The following ARSB variants were observed in gnomAD, a reference collection of about 807,000 sequenced individuals.
ARSB encodes N-acetylgalactosamine-4-sulfatase.
A neutral mutation model predicts 50.9 loss-of-function variants in ARSB; 41 were observed. The ratio of observed to expected loss-of-function variants is 0.81; its 90% CI spans 0.63 to 1.04. The LOEUF (loss-of-function observed/expected upper bound fraction) is 1.04, where lower values mean the gene tolerates loss of function less well. Ranked by LOEUF, ARSB falls within the 50% of genes least tolerant of loss-of-function variation. The pLI, the probability that ARSB is intolerant of heterozygous loss-of-function variation, is 0.00. For missense variants in ARSB, 672 were observed against 693.3 expected (o/e 0.97, Z 0.35); for synonymous variants, 269 against 284.8 (o/e 0.94, Z 0.56).
At chr5:78,863,770 AATAG>A (rs1227383191) in intron 5 of ARSB, among the ~76,000 whole-genome samples, 11 of 152,078 alleles carry the variant, frequency 7.2e-5, no homozygotes, top group Admixed American at 1.3e-4. Flanking sequence ...AATAAAAAAA[AATAG>A]ATAGTCACTT....
intron 6 of ARSB, among the ~76,000 whole-genome samples, chr5:78,806,742 C>T (rs543243371): frequency 9.8e-4 from 150 of 152,304 alleles, no homozygotes; most frequent in African/African-American, 3.4e-3. Flanking sequence ...TCCATACTCA[C>T]GATTACTCAT....
intron 5 of ARSB, among the ~76,000 whole-genome samples, chr5:78,877,962 G>A (rs1747565666): frequency 6.6e-6 from 1 of 152,150 alleles, no homozygotes; most frequent in South Asian, 2.1e-4. Context: ...AGAAGTGAAA[G>A]CTACAATGTG....
At chr5:78,981,014 A>G (rs1340373288) in intron 1 of ARSB, among the ~76,000 whole-genome samples, 1 of 33,540 alleles carries the variant, frequency 3.0e-5, no homozygotes, top group Non-Finnish European at 4.8e-5. Flanking sequence ...GCAGTGGCGC[A>G]ATCTCGGCTC....
At chr5:78,835,354 A>G (rs1744904236) in intron 6 of ARSB, among the ~76,000 whole-genome samples, 1 of 152,094 alleles carries the variant, frequency 6.6e-6, no homozygotes, top group Non-Finnish European at 1.5e-5. Context: ...GAAATCCAAG[A>G]GGCCAGCTTC....
chr5:78,897,245 C>T (rs1748604760), intron 4 of ARSB, among the ~76,000 whole-genome samples: 1 of 152,170 alleles, frequency 6.6e-6, no homozygotes. Context: ...GTAAGTTGTA[C>T]AGGACTTGGG....
intron 5 of ARSB, chr5:78,885,359 G>A (rs781564051): frequency 4.6e-5 from 30 of 651,084 alleles, no homozygotes; most frequent in Non-Finnish European, 6.9e-5. Context: ...GCGATGGGCT[G>A]AGGACAATCT....
At chr5:78,815,605 A>G in intron 6 of ARSB, 5 of 986,074 alleles carry the variant, frequency 5.1e-6, no homozygotes, top group Non-Finnish European at 6.0e-6. Context: ...TTCTGTTTTT[A>G]GCTGACTTCA....
Position 78,985,010 on chromosome 5 carries a change from AC to A in ARSB, c.238del (p.Val80CysfsTer34), listed in dbSNP as rs431905493. ...PHLDALAAGG[V>X]LLDNYYTQPL... ...CTGCGTGTAGTAGTTGTCCAGGAGCACCCCGCCGGCCGCCAGCGCGTCCAGG... is the reference window on the plus strand; with the variant it reads ...CTGCGTGTAGTAGTTGTCCAGGAGCACCCGCCGGCCGCCAGCGCGTCCAGG... On this transcript the variant is annotated frameshift_variant, in exon 1 of 8. Coordinates refer to ENST00000264914, the MANE Select transcript of ARSB (RefSeq NM_000046.5). LOFTEE classifies it high-confidence loss of function. 2 of 1,533,196 alleles carry A rather than the reference AC, an allele frequency of 1.3e-6. No individual in the cohort carries two copies. The highest frequency in any genetic ancestry group is 1.7e-6 in the Non-Finnish European group (2 of 1,143,882). 95.0% of individuals were successfully genotyped at this position (1,533,196 alleles called of 1,614,324 possible). A position where few individuals can be genotyped will look rare whatever the true frequency, so the allele number is the denominator to read the frequency against.
At chr5:78,885,434 A>G (rs2112209865) in intron 5 of ARSB, 150 bp downstream of exon 5, 2 of 1,090,644 alleles carry the variant, frequency 1.8e-6, no homozygotes, top group African/African-American at 1.6e-5. Context: ...ATATACTTAC[A>G]ATGTCTCTAA....
intron 4 of ARSB, among the ~76,000 whole-genome samples, chr5:78,890,033 A>G (rs1748212726): frequency 6.6e-6 from 1 of 152,198 alleles, no homozygotes; most frequent in Non-Finnish European, 1.5e-5. Flanking sequence ...CATCGTTTCA[A>G]AAATGGAGAA....
At chr5:78,871,971 A>C (rs553968750) in intron 5 of ARSB, among the ~76,000 whole-genome samples, 1 of 152,048 alleles carries the variant, frequency 6.6e-6, no homozygotes, top group South Asian at 2.1e-4. Flanking sequence ...AATTACAAGA[A>C]AAAAACAAAC....
At chr5:78,962,670 G>A (rs1032073520) in intron 3 of ARSB, among the ~76,000 whole-genome samples, 2 of 151,946 alleles carry the variant, frequency 1.3e-5, no homozygotes, top group African/African-American at 4.8e-5. Flanking sequence ...TGGACTACAG[G>A]CACCCACCAC....
chr5:78,808,092 CAAAAAAAAAAAAA>C (rs36099030), intron 6 of ARSB, among the ~76,000 whole-genome samples: 2 of 57,774 alleles, frequency 3.5e-5, no homozygotes, highest in East Asian at 1.9e-3. Flanking sequence ...GACTCCGTCT[CAAAAAAAAAAAAA>C]AAAAAAAAAA....
intron 1 of ARSB, among the ~76,000 whole-genome samples, chr5:78,972,544 C>CACACACACACA (rs1554088554): frequency 1.4e-5 from 2 of 147,520 alleles, no homozygotes; most frequent in African/African-American, 2.6e-5. Context: ...CACACACACA[C>CACACACACACA]CCCAAATCAA....
intron 5 of ARSB, among the ~76,000 whole-genome samples, chr5:78,852,443 C>G (rs1286572974): frequency 6.6e-6 from 1 of 152,190 alleles, no homozygotes; most frequent in African/African-American, 2.4e-5. Context: ...GTCTGATGGG[C>G]TTCCCTTTGT....
intron 4 of ARSB, among the ~76,000 whole-genome samples, chr5:78,892,680 G>A (rs1748370468): frequency 6.6e-6 from 1 of 152,110 alleles, no homozygotes; most frequent in Admixed American, 6.5e-5. Flanking sequence ...TTAAATAAAG[G>A]ACATCAATTA....
intron 6 of ARSB, among the ~76,000 whole-genome samples, chr5:78,825,696 T>C (rs2112683971): frequency 6.6e-6 from 1 of 152,324 alleles, no homozygotes; most frequent in Admixed American, 6.5e-5. Flanking sequence ...ATTCCTCTTT[T>C]ATTATTTTTT....
At chr5:78,897,189 T>C (rs1475757568) in intron 4 of ARSB, among the ~76,000 whole-genome samples, 2 of 152,152 alleles carry the variant, frequency 1.3e-5, no homozygotes, top group African/African-American at 4.8e-5. Context: ...TCTCAGAAAA[T>C]TGTAAACAAG....
intron 3 of ARSB, among the ~76,000 whole-genome samples, chr5:78,960,966 G>A (rs184440612): frequency 5.3e-5 from 8 of 152,116 alleles, no homozygotes; most frequent in African/African-American, 1.9e-4. Flanking sequence ...GAGAAAGAAG[G>A]TTCCTTCTTA....
Sources: allele counts gnomAD v4.1 joint callset (sites outside exome capture counted in the v4.1 genomes callset), GRCh38; gene constraint gnomAD v4.1.1; transcripts MANE v1.5; gene names NCBI Gene and HGNC (gene_info 2026-07-23, HGNC 2026-07-21).